Variants in ANKRD18B observed in about 807,000 individuals in gnomAD.
ANKRD18B encodes ankyrin repeat domain 18B, also known as ankyrin repeat domain-containing protein 18B.
Under a neutral mutation model 111.8 loss-of-function variants are expected in ANKRD18B, and 75 were observed. The ratio of observed to expected loss-of-function variants is 0.67; its 90% CI spans 0.56 to 0.81. ANKRD18B has a LOEUF of 0.81. Ranked by LOEUF, ANKRD18B falls within the 40% of genes least tolerant of loss-of-function variation. ANKRD18B has a pLI of 0.00. For missense variants in ANKRD18B, 1,038 were observed against 1,225.5 expected (o/e 0.85, Z 2.28); for synonymous variants, 356 against 417.3 (o/e 0.85, Z 1.79).
intron 3 of ANKRD18B, among the ~76,000 whole-genome samples, chr9:33,530,471 A>G (rs1479739949): frequency 7.0e-6 from 1 of 143,334 alleles, no homozygotes; most frequent in Non-Finnish European, 1.5e-5. Flanking sequence ...ACACGGTGAA[A>G]CCCCGTCTCT....
At chr9:33,548,890 A>T (rs1375746892) in intron 11 of ANKRD18B, 35 bp downstream of exon 11, 12 of 1,429,338 alleles carry the variant, frequency 8.4e-6, no homozygotes, top group Non-Finnish European at 1.1e-5. Context: ...TTCTGGAAAG[A>T]AAATTTAAAC....
At position 33,534,429 on chromosome 9, in the gene ANKRD18B, A is replaced by G. The variant is rs1237370180; in HGVS notation, c.662A>G (p.Gln221Arg). The change falls in exon 5 of 19, where the codon CAA becomes CGA. Residue 221 changes from glutamine to arginine, a missense_variant. Physicochemically the swap from Gln to Arg is conservative, Grantham distance 43. Transcript: ENST00000684830. ...NLSSIVTLLL[Q>R]QNIHISSQDM... is the part of the protein sequence containing the mutation. ...TCAAGTATCGTCACCCTCCTGCTTC[A>G]ACAAAATATACATATCTCTTCTCAA... 1 of 1,551,166 alleles carries G rather than the reference A, an allele frequency of 6.4e-7. No individual in the cohort carries two copies. Among genetic ancestry groups the G allele is most frequent in the East Asian group, 2.4e-5 (1 of 40,884 alleles).
chr9:33,528,917 A>G (rs1828067262), intron 2 of ANKRD18B, 76 bp downstream of exon 2: 4 of 1,569,648 alleles, frequency 2.5e-6, no homozygotes, highest in Middle Eastern at 1.7e-4. Flanking sequence ...TCTCATTTAA[A>G]TATAGCTAGT....
chr9:33,544,561 G>A (rs1828328186), intron 10 of ANKRD18B, among the ~76,000 whole-genome samples: 1 of 152,108 alleles, frequency 6.6e-6, no homozygotes, highest in African/African-American at 2.4e-5. Context: ...TACAATTCTG[G>A]GCGTGGTGGC....
rs776376492 is a variant in ANKRD18B, at chr9:33,572,343, A to G, written c.3251A>G (p.Tyr1084Cys). 4.5e-5 allele frequency: 72 copies of G among 1,611,424 alleles called. 1 individual carries two copies. In the South Asian group the frequency reaches 5.4e-4, roughly 12 times the overall value. ...KTFAALGPCS[Y>C]LLSSLESTGK... ...TTTGCTGCGTTGGGCCCTTGCTCCT[A>G]TCTACTTTCTTCTCTAGAATCCACT... The change falls in exon 19 of 19, where the codon TAT becomes TGT. Residue 1084 changes from tyrosine (Y) to cysteine (C), a missense_variant. This residue lies in a region of ANKRD18B where 524 missense variants were observed against 677.9 expected (regional missense o/e 0.77). Coordinates refer to ENST00000684830, the MANE Select transcript of ANKRD18B (RefSeq NM_001393611.1).
In ANKRD18B at chr9:33,558,170, A is replaced by C. The variant is rs753194235; in HGVS notation, c.2443A>C (p.Lys815Gln). ...CCAACTGAAAATGGATATTCTGTTT[A>C]AGAAGCTAAAACAGAAGGTAATTTA... The part of the protein sequence containing the change: ...TDQLKMDILF[K>Q]KLKQKFDDLM... The change falls in exon 14 of 19, where the codon AAG becomes CAG. Residue 815 changes from lysine (K) to glutamine (Q), a missense_variant. Coordinates refer to ENST00000684830, the MANE Select transcript of ANKRD18B (RefSeq NM_001393611.1). 7 of 1,609,366 alleles carry C rather than the reference A, an allele frequency of 4.3e-6. No homozygotes were observed. In the East Asian group the frequency reaches 1.6e-4, roughly 36 times the overall value.
At chr9:33,550,636 T>G in intron 12 of ANKRD18B, 57 bp downstream of exon 12, 2 of 1,421,210 alleles carry the variant, frequency 1.4e-6, no homozygotes, top group Non-Finnish European at 1.9e-6. Flanking sequence ...AATACCAGTA[T>G]CCTAAGTGTC....
chr9:33,564,260 C>A (rs556739625), intron 14 of ANKRD18B, among the ~76,000 whole-genome samples: 4 of 152,316 alleles, frequency 2.6e-5, no homozygotes, highest in African/African-American at 9.6e-5. Context: ...TGTTGCCCAG[C>A]CCTCAATTTT....
At position 33,551,046 on chromosome 9, in the gene ANKRD18B, G is replaced by C. The variant is rs1379481849; in HGVS notation, c.2217+467G>C. Among the ~76,000 whole-genome samples, 3 of 152,106 alleles carry C rather than the reference G, an allele frequency of 2.0e-5. No individual in the cohort carries two copies. In the East Asian group the frequency reaches 5.8e-4, roughly 29 times the overall value. On this transcript the variant is annotated intron_variant, in intron 12 of 18. Coordinates refer to ENST00000684830, the MANE Select transcript of ANKRD18B (RefSeq NM_001393611.1). ...ACTTGTACAGAAAGGCCATCATACT[G>C]TTCTTTGAAATGCACATGTTTTAGG...
chr9:33,563,272 T>G (rs1828633535), intron 14 of ANKRD18B, among the ~76,000 whole-genome samples: 1 of 152,182 alleles, frequency 6.6e-6, no homozygotes, highest in Non-Finnish European at 1.5e-5. Context: ...AGAAAAACAT[T>G]TATTTTGTTC....
intron 10 of ANKRD18B, among the ~76,000 whole-genome samples, chr9:33,547,597 A>T (rs1001172256): frequency 4.6e-5 from 7 of 151,934 alleles, no homozygotes; most frequent in African/African-American, 1.5e-4. Flanking sequence ...AATTTAGTCA[A>T]ATTTTTAAAC....
intron 17 of ANKRD18B, among the ~76,000 whole-genome samples, 175 bp from the exon 18 acceptor site, chr9:33,571,071 T>A (rs1473288403): frequency 6.6e-6 from 1 of 152,234 alleles, no homozygotes; most frequent in Non-Finnish European, 1.5e-5. Context: ...AAACTTAGAA[T>A]AAGTAGAAAT....
chr9:33,554,020 C>T (rs978205892), intron 12 of ANKRD18B, among the ~76,000 whole-genome samples: 5 of 150,124 alleles, frequency 3.3e-5, no homozygotes, highest in Admixed American at 6.7e-5. Flanking sequence ...TGCAGTGAGC[C>T]GACATGGCAC....
At position 33,567,184 on chromosome 9, in the gene ANKRD18B, A is replaced by T; in HGVS notation, c.2824A>T (p.Lys942Ter). The T allele has an allele frequency of 6.5e-7, 1 of 1,549,970 alleles. No individual in the cohort carries two copies. Among genetic ancestry groups the T allele is most frequent in the East Asian group, 2.5e-5 (1 of 40,758 alleles). The change falls in exon 16 of 19, where the codon AAA (lysine) becomes TAA (stop). Residue 942 changes from lysine to a stop codon, truncating the protein, a stop_gained. Transcript: ENST00000684830. LOFTEE classifies it high-confidence loss of function. ...ACTAAAAAAGAAGGAACTCACACTT[A>T]AAGATGTGGAATGTAAATTCTCCAA... The part of the protein sequence containing the change: ...ASLKKKELTL[K>*]DVECKFSKMK...
chr9:33,538,322 C>A (rs1395372271), intron 6 of ANKRD18B, among the ~76,000 whole-genome samples: 1 of 152,158 alleles, frequency 6.6e-6, no homozygotes, highest in Non-Finnish European at 1.5e-5. Context: ...CAAACAAGGT[C>A]TATTTTTAAT....
rs1827994103 is a variant in ANKRD18B, at chr9:33,524,449, C to T, written c.-41C>T. ...GTGGAAAGGCCACGAGGAGCCGCGGCGTCTCAGGAGCGGGTGGTGGGCATC... is the reference window on the plus strand; with the variant it reads ...GTGGAAAGGCCACGAGGAGCCGCGGTGTCTCAGGAGCGGGTGGTGGGCATC... On this transcript the variant is annotated 5_prime_UTR_variant, in exon 1 of 19. Coordinates refer to ENST00000684830, the MANE Select transcript of ANKRD18B (RefSeq NM_001393611.1). The T allele has an allele frequency of 8.0e-6, 12 of 1,501,942 alleles. No homozygotes were observed. Among genetic ancestry groups the T allele is most frequent in the Non-Finnish European group, 8.9e-6 (10 of 1,123,586 alleles). 93.0% of individuals were successfully genotyped at this position (1,501,942 alleles called of 1,614,324 possible). A position where few individuals can be genotyped will look rare whatever the true frequency, so the allele number is the denominator to read the frequency against.
At chr9:33,526,619 T>C (rs2985585) in intron 1 of ANKRD18B, among the ~76,000 whole-genome samples, 1 of 152,208 alleles carries the variant, frequency 6.6e-6, no homozygotes, top group Non-Finnish European at 1.5e-5. Flanking sequence ...GTGAATCTTG[T>C]ACAGATAAAA....
chr9:33,525,599 A>T (rs1306365125), intron 1 of ANKRD18B, among the ~76,000 whole-genome samples: 1 of 152,078 alleles, frequency 6.6e-6, no homozygotes, highest in Non-Finnish European at 1.5e-5. Flanking sequence ...TTATACAGGT[A>T]CATTTTACGT....
intron 7 of ANKRD18B, 114 bp from the exon 8 acceptor site, chr9:33,539,964 G>A (rs1027582953): frequency 6.6e-6 from 1 of 150,764 alleles, no homozygotes; most frequent in Non-Finnish European, 1.5e-5. Flanking sequence ...TCACAAGACA[G>A]TATCTAAAGG....
Sources: allele counts gnomAD v4.1 joint callset (sites outside exome capture counted in the v4.1 genomes callset), GRCh38; gene constraint gnomAD v4.1.1; regional missense constraint gnomAD v4.1.1; transcripts MANE v1.5; gene names NCBI Gene and HGNC (gene_info 2026-07-23, HGNC 2026-07-21).